Variants in SAMTOR observed in about 807,000 individuals in gnomAD.
The protein encoded by SAMTOR is S-adenosylmethionine sensor upstream of mTORC1.
At chr7:112,824,362 TG>T in the SAMTOR span, among the ~76,000 whole-genome samples, 1 of 152,186 alleles carries the variant, frequency 6.6e-6, no homozygotes, top group Non-Finnish European at 1.5e-5. Flanking sequence ...TTTGTTTGTT[TG>T]TTTTTTTGTT....
At chr7:112,857,152 C>T in the SAMTOR span, among the ~76,000 whole-genome samples, 5 of 135,208 alleles carry the variant, frequency 3.7e-5, no homozygotes, top group Admixed American at 1.6e-4. Flanking sequence ...ACTGCAGTGG[C>T]GCAATCTCGG....
the SAMTOR span, chr7:112,895,521 C>T: frequency 7.4e-7 from 1 of 1,346,730 alleles, no homozygotes; most frequent in Non-Finnish European, 1.0e-6. Context: ...CATTATTTCA[C>T]ATTAATACAG....
chr7:112,836,131 G>GCA, the SAMTOR span, among the ~76,000 whole-genome samples: 3 of 151,882 alleles, frequency 2.0e-5, no homozygotes, highest in African/African-American at 7.3e-5. Flanking sequence ...CCCTTTCTCT[G>GCA]CAACCTTGCC....
At chr7:112,835,820 C>CT in the SAMTOR span, among the ~76,000 whole-genome samples, 1 of 152,046 alleles carries the variant, frequency 6.6e-6, no homozygotes, top group South Asian at 2.1e-4. Context: ...TGATTTCATT[C>CT]TTTTTTATGG....
the SAMTOR span, chr7:112,832,415 T>A: frequency 6.5e-6 from 4 of 617,590 alleles, no homozygotes; most frequent in Non-Finnish European, 1.2e-5. Flanking sequence ...AATGCTCAAT[T>A]ATTCACAAAA....
At chr7:112,922,090 C>T in the SAMTOR span, among the ~76,000 whole-genome samples, 2 of 152,218 alleles carry the variant, frequency 1.3e-5, no homozygotes, top group African/African-American at 2.4e-5. Flanking sequence ...CGAGTGCCTG[C>T]GATTACAGGC....
the SAMTOR span, among the ~76,000 whole-genome samples, chr7:112,894,679 G>A: frequency 5.9e-5 from 9 of 152,076 alleles, no homozygotes; most frequent in Non-Finnish European, 1.0e-4. Flanking sequence ...TCACTACCAC[G>A]AGAACAGTAT....
chr7:112,828,363 G>C, the SAMTOR span, among the ~76,000 whole-genome samples: 1 of 152,128 alleles, frequency 6.6e-6, no homozygotes, highest in Non-Finnish European at 1.5e-5. Context: ...CTTGCCTCTA[G>C]TGGTTTGCTG....
At chr7:112,874,270 T>C in the SAMTOR span, among the ~76,000 whole-genome samples, 1 of 152,046 alleles carries the variant, frequency 6.6e-6, no homozygotes. Flanking sequence ...CTATCTACAA[T>C]AGCAAAGACA....
the SAMTOR span, among the ~76,000 whole-genome samples, chr7:112,903,686 A>G: frequency 6.6e-6 from 1 of 152,236 alleles, no homozygotes; most frequent in African/African-American, 2.4e-5. Context: ...AAAAGGACCC[A>G]GAGGAGAAAG....
chr7:112,848,817 G>A, the SAMTOR span, among the ~76,000 whole-genome samples: 5 of 152,114 alleles, frequency 3.3e-5, no homozygotes, highest in Admixed American at 6.5e-5. Context: ...GCGGGAGGCC[G>A]AGGTGGGCGA....
chr7:112,841,878 C>T, the SAMTOR span, among the ~76,000 whole-genome samples: 47 of 152,018 alleles, frequency 3.1e-4, no homozygotes, highest in African/African-American at 1.1e-3. Context: ...TAGCCATATG[C>T]GAAGAACTGA....
the SAMTOR span, among the ~76,000 whole-genome samples, chr7:112,915,740 T>G: frequency 6.6e-6 from 1 of 152,180 alleles, no homozygotes; most frequent in Non-Finnish European, 1.5e-5. Context: ...GCTGGAAAAA[T>G]TGACAACATA....
chr7:112,899,783 C>A, the SAMTOR span, among the ~76,000 whole-genome samples: 2 of 65,742 alleles, frequency 3.0e-5, no homozygotes, highest in African/African-American at 3.2e-4. Context: ...ATTCAATGTG[C>A]TGAAGGAAAA....
chr7:112,914,692 AATTT>A, the SAMTOR span, among the ~76,000 whole-genome samples: 3 of 152,174 alleles, frequency 2.0e-5, no homozygotes, highest in Admixed American at 6.5e-5. Flanking sequence ...TTTATACCAT[AATTT>A]ATTAATGAGT....
chr7:112,870,460 A>G, the SAMTOR span, among the ~76,000 whole-genome samples: 3 of 152,214 alleles, frequency 2.0e-5, no homozygotes, highest in African/African-American at 7.2e-5. Context: ...TCATATATGA[A>G]GGAGAAATAA....
At chr7:112,886,788 C>G in the SAMTOR span, among the ~76,000 whole-genome samples, 29 of 152,340 alleles carry the variant, frequency 1.9e-4, no homozygotes, top group South Asian at 3.5e-3. Context: ...TGCCCCCACA[C>G]AGAGGCAAAG....
chr7:112,934,151 A>G, the SAMTOR span, among the ~76,000 whole-genome samples: 1 of 152,270 alleles, frequency 6.6e-6, no homozygotes, highest in Non-Finnish European at 1.5e-5. Context: ...AGCACAGCAG[A>G]CACCCGATCC....
the SAMTOR span, among the ~76,000 whole-genome samples, chr7:112,835,620 T>A: frequency 3.1e-3 from 470 of 152,160 alleles, 2 homozygotes; most frequent in East Asian, 9.1e-3. Flanking sequence ...TAGTTTTTTT[T>A]ATTCTCTCCC....
Sources: allele counts gnomAD v4.1 joint callset (sites outside exome capture counted in the v4.1 genomes callset), GRCh38; gene constraint gnomAD v4.1.1; transcripts MANE v1.5; gene names NCBI Gene and HGNC (gene_info 2026-07-23, HGNC 2026-07-21).